The following HDAC9 variants were observed in gnomAD, a reference collection of about 807,000 sequenced individuals.
HDAC9 encodes MEF-2 interacting transcription repressor (MITR) protein.
A neutral mutation model predicts 139.4 loss-of-function variants in HDAC9; 41 were observed. The ratio of observed to expected loss-of-function variants is 0.29; its 90% CI spans 0.23 to 0.38. The LOEUF (loss-of-function observed/expected upper bound fraction) is 0.38, where lower values mean the gene tolerates loss of function less well. HDAC9 is among the 10% of genes least tolerant of loss of function. The pLI is 1.00. For synonymous variants in HDAC9, 517 were observed against 476.2 expected, an observed-to-expected ratio of 1.09 and a Z score of -1.12; for missense variants, 1,147 against 1,297.0, an observed-to-expected ratio of 0.88 and a Z score of 1.78.
At chr7:18,527,365 T>C (rs1003305711) in intron 2 of HDAC9, among the ~76,000 whole-genome samples, 5 of 152,156 alleles carry the variant, frequency 3.3e-5, no homozygotes, top group African/African-American at 7.2e-5. Context: ...CTCCTTTTGC[T>C]ATATGGACTA....
intron 2 of HDAC9, among the ~76,000 whole-genome samples, chr7:18,215,995 C>T (rs1235103320): frequency 1.3e-5 from 2 of 152,058 alleles, no homozygotes; most frequent in Admixed American, 6.6e-5. Flanking sequence ...CTTCTCTCGT[C>T]TCGCACCTCT....
At chr7:18,381,625 G>T (rs997567986) in intron 1 of HDAC9, among the ~76,000 whole-genome samples, 1 of 151,982 alleles carries the variant, frequency 6.6e-6, no homozygotes, top group African/African-American at 2.4e-5. Context: ...GAAAAAGTGA[G>T]AATAGACTAT....
intron 1 of HDAC9, among the ~76,000 whole-genome samples, chr7:18,335,657 G>A (rs1190425998): frequency 6.6e-6 from 1 of 151,552 alleles, no homozygotes. Flanking sequence ...TAAAGGGTGG[G>A]GGTAAATGCT....
At chr7:18,977,361 G>A (rs1034247556) in intron 25 of HDAC9, among the ~76,000 whole-genome samples, 2 of 152,164 alleles carry the variant, frequency 1.3e-5, no homozygotes, top group Non-Finnish European at 2.9e-5. Context: ...TATAAAAGGA[G>A]CATAGCTATT....
chr7:18,451,883 A>T (rs1792902442), intron 1 of HDAC9, among the ~76,000 whole-genome samples: 1 of 152,088 alleles, frequency 6.6e-6, no homozygotes, highest in African/African-American at 2.4e-5. Context: ...GGGCACCTGG[A>T]CACTAGGGGA....
At chr7:18,689,103 A>G (rs1782487537) in intron 12 of HDAC9, among the ~76,000 whole-genome samples, 1 of 152,006 alleles carries the variant, frequency 6.6e-6, no homozygotes, top group Non-Finnish European at 1.5e-5. Context: ...TTACGTTGAA[A>G]AATAACTTAC....
At chr7:18,804,487 T>G (rs1397818646) in intron 17 of HDAC9, among the ~76,000 whole-genome samples, 4 of 152,204 alleles carry the variant, frequency 2.6e-5, no homozygotes, top group Non-Finnish European at 4.4e-5. Flanking sequence ...CGGTGGTAAG[T>G]GCTGATTGTG....
At chr7:18,900,730 A>C (rs1409243898) in intron 22 of HDAC9, among the ~76,000 whole-genome samples, 1 of 152,178 alleles carries the variant, frequency 6.6e-6, no homozygotes, top group Non-Finnish European at 1.5e-5. Flanking sequence ...CTGAGCAGCC[A>C]GAAGATAACA....
intron 1 of HDAC9, among the ~76,000 whole-genome samples, chr7:18,398,274 A>G (rs1435991978): frequency 5.3e-5 from 8 of 152,208 alleles, no homozygotes; most frequent in African/African-American, 1.9e-4. Context: ...TGATTTAATA[A>G]TGAACAATAT....
At chr7:18,584,353 C>T (rs1367194431) in intron 2 of HDAC9, among the ~76,000 whole-genome samples, 1 of 151,974 alleles carries the variant, frequency 6.6e-6, no homozygotes, top group Non-Finnish European at 1.5e-5. Context: ...TGGTCTCGAT[C>T]TCCTGACCTC....
intron 1 of HDAC9, among the ~76,000 whole-genome samples, chr7:18,354,910 G>GGTTT (rs924559452): frequency 3.9e-4 from 60 of 152,222 alleles, no homozygotes; most frequent in African/African-American, 1.3e-3. Flanking sequence ...CATTCTTCCT[G>GGTTT]GTTTGTTCCT....
rs557831783 is a variant in HDAC9, at chr7:18,701,418, A to C, written c.1732-26162A>C. ...GATTTAAAAAAAAACAAAACAAACA[A>C]AAAAAAAAAACACAACTGTACTATA... On this transcript the variant is annotated intron_variant, in intron 12 of 25. Coordinates refer to ENST00000686413, the MANE Select transcript of HDAC9 (RefSeq NM_178425.4). Among the ~76,000 whole-genome samples, 860 of 150,168 alleles carry C rather than the reference A, an allele frequency of 5.7e-3. 14 individuals are homozygous for C. Among genetic ancestry groups the C allele is most frequent in the African/African-American group, 0.018 (750 of 41,066 alleles).
chr7:18,595,177 C>T (rs765609348), intron 6 of HDAC9, among the ~76,000 whole-genome samples: 18 of 151,986 alleles, frequency 1.2e-4, no homozygotes, highest in African/African-American at 3.9e-4. Flanking sequence ...GGATGTTTAA[C>T]TATTGCAAAA....
chr7:18,273,239 A>C (rs976339151), intron 2 of HDAC9, among the ~76,000 whole-genome samples: 2 of 151,398 alleles, frequency 1.3e-5, no homozygotes, highest in African/African-American at 4.8e-5. Context: ...GCTAATTGTT[A>C]AACTTTTTTT....
intron 14 of HDAC9, among the ~76,000 whole-genome samples, chr7:18,761,548 G>A (rs868420143): frequency 6.6e-6 from 1 of 152,120 alleles, no homozygotes; most frequent in African/African-American, 2.4e-5. Context: ...TGCCATAAAA[G>A]TTTCTAAATA....
chr7:18,161,200 A>G (rs756641130), intron 1 of HDAC9, among the ~76,000 whole-genome samples: 4 of 152,242 alleles, frequency 2.6e-5, no homozygotes, highest in Non-Finnish European at 5.9e-5. Context: ...CTGTTTGAAT[A>G]ACTAAATAGC....
chr7:18,576,656 CAAA>C (rs61179284), intron 2 of HDAC9, among the ~76,000 whole-genome samples: 40 of 91,870 alleles, frequency 4.4e-4, no homozygotes, highest in Middle Eastern at 5.3e-3. Context: ...GACTTCATGT[CAAA>C]AAAAAAAAAA....
At chr7:18,137,516 G>C (rs983012858) in intron 1 of HDAC9, among the ~76,000 whole-genome samples, 131 of 152,010 alleles carry the variant, frequency 8.6e-4, no homozygotes, top group African/African-American at 2.8e-3. Context: ...TAGCATGAAG[G>C]GTTGTTGAAT....
At chr7:18,130,743 A>G (rs956888463) in intron 1 of HDAC9, among the ~76,000 whole-genome samples, 1 of 152,104 alleles carries the variant, frequency 6.6e-6, no homozygotes, top group African/African-American at 2.4e-5. Flanking sequence ...ATGGAATTAT[A>G]TAATTTGTGA....
Sources: allele counts gnomAD v4.1 joint callset (sites outside exome capture counted in the v4.1 genomes callset), GRCh38; gene constraint gnomAD v4.1.1; transcripts MANE v1.5; gene names NCBI Gene and HGNC (gene_info 2026-07-23, HGNC 2026-07-21).